The following SNRPD2 variants were observed in gnomAD, a reference collection of about 807,000 sequenced individuals.
The protein encoded by SNRPD2 is small nuclear ribonucleoprotein D2 polypeptide.
Under a neutral mutation model 11.5 loss-of-function variants are expected in SNRPD2, and 1 was observed. The ratio of observed to expected loss-of-function variants is 0.09; its 90% confidence interval spans 0.03 to 0.41. The LOEUF (loss-of-function observed/expected upper bound fraction) is 0.41, where lower values mean the gene tolerates loss of function less well. Among genes scored for constraint, SNRPD2 ranks in the 10% least tolerant of loss-of-function variants. The probability of loss-of-function intolerance (pLI) is 0.98; values close to 1 mark genes in which losing one functional copy is unlikely to be tolerated. For synonymous variants in SNRPD2, 63 were observed against 61.5 expected (o/e 1.02, Z -0.12); for missense variants, 77 against 154.9 (o/e 0.50, Z 2.67).
In SNRPD2 at chr19:45,688,598, G is replaced by A. The variant is rs1967466530; in HGVS notation, c.3-32C>T. The A allele has an allele frequency of 1.9e-6, 3 of 1,580,536 alleles. No individual in the cohort carries two copies. The highest frequency in any genetic ancestry group is 2.6e-6 in the Non-Finnish European group (3 of 1,149,744). On this transcript the variant is annotated intron_variant, in intron 1 of 2. Coordinates refer to ENST00000342669, the MANE Select transcript of SNRPD2 (RefSeq NM_001384647.1). The surrounding 1 kb of genome is among the most constrained non-coding windows in gnomAD (Gnocchi z 4.1). Reference sequence around the variant, plus strand: ...GGACAAACATGGAACCAATAAGTGAGAGAGGCTGGAGTTGAGAGGCTGGAG... The same window carrying A: ...GGACAAACATGGAACCAATAAGTGAAAGAGGCTGGAGTTGAGAGGCTGGAG...
In SNRPD2 at chr19:45,687,595, T is replaced by C. The variant is rs772089761; in HGVS notation, c.315A>G (p.Ser105=). The change falls in exon 3 of 3, where the codon TCA becomes TCG. Residue 105 remains serine (S), a synonymous_variant. Coordinates refer to ENST00000342669, the MANE Select transcript of SNRPD2 (RefSeq NM_001384647.1). The surrounding 1 kb of genome is among the most constrained non-coding windows in gnomAD (Gnocchi z 4.1). The part of the protein sequence containing the change: ...YISKMFLRGD[S]VIVVLRNPLI... ...GCGGGTTCCGCAGGACCACGATGAC[T>C]GAGTCCCCGCGCAGGAACATCTTGG... 4 of 1,614,214 alleles carry C rather than the reference T, an allele frequency of 2.5e-6. No homozygotes were observed. Among genetic ancestry groups the C allele is most frequent in the Non-Finnish European group, 3.4e-6 (4 of 1,180,018 alleles).
At position 45,691,931 on chromosome 19, in the gene SNRPD2, T is replaced by C; in HGVS notation, c.-43A>G. On this transcript the variant is annotated 5_prime_UTR_variant, in exon 1 of 3. Transcript: ENST00000342669. ...CCGTTCACTCCCGTTTCCTCCGCGT[T>C]GCTGCTGCCTGAGGAGAGAGAGGCG... is the stretch of plus-strand genomic sequence containing the variant. The C allele has an allele frequency of 6.2e-7, 1 of 1,614,118 alleles. No homozygotes were observed. Among genetic ancestry groups the C allele is most frequent in the East Asian group, 2.2e-5 (1 of 44,888 alleles).
At chr19:45,689,239 C>T (rs1292884554) in intron 1 of SNRPD2, 3 of 520,186 alleles carry the variant, frequency 5.8e-6, no homozygotes, top group Non-Finnish European at 1.2e-5. Context: ...TTACCATGGC[C>T]TAAGCCTCTG....
chr19:45,691,185 C>A (rs1967537786), intron 1 of SNRPD2, among the ~76,000 whole-genome samples: 2 of 152,166 alleles, frequency 1.3e-5, no homozygotes, highest in Admixed American at 1.3e-4. Context: ...GCTGGAAGTG[C>A]AGTGGCGCAA....
At position 45,691,897 on chromosome 19, in the gene SNRPD2, C is replaced by T. The variant is rs558008314; in HGVS notation, c.-9G>A. On this transcript the variant is annotated 5_prime_UTR_variant, in exon 1 of 3. The change creates a new upstream start codon in the 5' untranslated region. Coordinates refer to ENST00000342669, the MANE Select transcript of SNRPD2 (RefSeq NM_001384647.1). ...CTAGCCCGGCCTCACATGATGGTCA[C>T]TACGCTCTCCGTTCACTCCCGTTTC... 6.2e-7 allele frequency: 1 copy of T among 1,614,184 alleles called. No homozygotes were observed. Among genetic ancestry groups the T allele is most frequent in the South Asian group, 1.1e-5 (1 of 91,090 alleles).
In SNRPD2 at chr19:45,688,490, C is replaced by T. The variant is rs777452171; in HGVS notation, c.79G>A (p.Gly27Ser). Reference protein sequence around the residue: ...QKREEEEFNTGPLSVLTQSVK... With the variant: ...QKREEEEFNTSPLSVLTQSVK... ...GACTGTGTGAGCACAGAGAGTGGAC[C>T]GGTGTTAAATTCCTCCTCCTCTCGC... Residue 27 changes from glycine to serine, a missense_variant, in exon 2 of 3, where the codon GGT (glycine) becomes AGT (serine). Physicochemically the swap from Gly to Ser is moderately conservative, Grantham distance 56. Coordinates refer to ENST00000342669, the MANE Select transcript of SNRPD2 (RefSeq NM_001384647.1). The surrounding 1 kb of genome is among the most constrained non-coding windows in gnomAD (Gnocchi z 4.1). 7 of 1,613,876 alleles carry T rather than the reference C, an allele frequency of 4.3e-6. No homozygotes were observed. Among genetic ancestry groups the T allele is most frequent in the African/African-American group, 1.3e-5 (1 of 74,918 alleles).
At chr19:45,690,599 A>C (rs180688674) in intron 1 of SNRPD2, 1 of 152,146 alleles carries the variant, frequency 6.6e-6, no homozygotes, top group Non-Finnish European at 1.5e-5. Flanking sequence ...TGGAAGGTCG[A>C]GGCGGGTGGA....
rs1287138871 is a variant in SNRPD2, at chr19:45,691,921, T to C, written c.-33A>G. On this transcript the variant is annotated 5_prime_UTR_variant, in exon 1 of 3. Transcript: ENST00000342669. ...ACTACGCTCTCCGTTCACTCCCGTT[T>C]CCTCCGCGTTGCTGCTGCCTGAGGA... The C allele has an allele frequency of 2.5e-6, 4 of 1,614,132 alleles. No homozygotes were observed. The South Asian group carries it at 4.4e-5, about 18-fold the overall frequency.
intron 1 of SNRPD2, chr19:45,689,418 A>G (rs1044889664): frequency 4.0e-5 from 15 of 371,354 alleles, no homozygotes; most frequent in South Asian, 2.6e-4. Context: ...CTGTAATCCT[A>G]GCACTTTAGG....
rs1401212735 is a variant in SNRPD2 at position 45,691,908 on chromosome 19, G to C, written c.-20C>G. On this transcript the variant is annotated 5_prime_UTR_variant, in exon 1 of 3. Coordinates refer to ENST00000342669, the MANE Select transcript of SNRPD2 (RefSeq NM_001384647.1). The stretch of plus-strand genomic sequence containing the variant: ...TCACATGATGGTCACTACGCTCTCC[G>C]TTCACTCCCGTTTCCTCCGCGTTGC... 1 of 1,614,020 alleles carries C rather than the reference G, an allele frequency of 6.2e-7. No homozygotes were observed. Among genetic ancestry groups the C allele is most frequent in the African/African-American group, 1.3e-5 (1 of 75,026 alleles).
rs2146114535 is a variant in SNRPD2, at chr19:45,688,321, T to C, written c.182+66A>G. The C allele has an allele frequency of 7.0e-7, 1 of 1,421,012 alleles. No individual in the cohort carries two copies. Among genetic ancestry groups the C allele is most frequent in the East Asian group, 2.3e-5 (1 of 43,848 alleles). 88.0% of individuals were successfully genotyped at this position (1,421,012 alleles called of 1,614,324 possible). A position where few individuals can be genotyped will look rare whatever the true frequency, so the allele number is the denominator to read the frequency against. ...TTCTGAGACAGCTGTCTTTGAGCTC[T>C]TCAGACTGGAGCTGGAGTGGCCTCT... On this transcript the variant is annotated intron_variant, in intron 2 of 2. Transcript: ENST00000342669. This position sits in a 1 kb window ranked among gnomAD's most constrained non-coding sequence, Gnocchi z 4.1.
At chr19:45,691,816 T>A in intron 1 of SNRPD2, 71 bp downstream of exon 1, 3 of 1,548,856 alleles carry the variant, frequency 1.9e-6, no homozygotes, top group South Asian at 1.1e-5. Flanking sequence ...TGCTCAACCC[T>A]TCCCACACTC....
intron 1 of SNRPD2, chr19:45,691,678 T>G (rs1050801046): frequency 6.0e-6 from 4 of 670,382 alleles, no homozygotes; most frequent in African/African-American, 1.8e-5. Flanking sequence ...GCCCAGGGCG[T>G]TATCTGATAA....
chr19:45,687,613 C>T lies in SNRPD2; in HGVS notation c.297G>A (p.Met99Ile). 1.2e-6 allele frequency: 2 copies of T among 1,614,234 alleles called. No homozygotes were observed. Among genetic ancestry groups the T allele is most frequent in the Non-Finnish European group, 1.7e-6 (2 of 1,180,036 alleles). Residue 99 changes from methionine (M) to isoleucine (I), a missense_variant, in exon 3 of 3, where the codon ATG becomes ATA. Transcript: ENST00000342669. The surrounding 1 kb of genome is among the most constrained non-coding windows in gnomAD (Gnocchi z 4.1). ...PVNKDRYISK[M>I]FLRGDSVIVV... ...CGATGACTGAGTCCCCGCGCAGGAA[C>T]ATCTTGGAGATGTAGCGGTCTTTGT...
intron 1 of SNRPD2, among the ~76,000 whole-genome samples, chr19:45,689,940 G>C (rs1326783829): frequency 6.6e-6 from 1 of 152,094 alleles, no homozygotes; most frequent in Non-Finnish European, 1.5e-5. Flanking sequence ...GGGAGGCTGA[G>C]GCAGCAGAAA....
chr19:45,692,067 G>C, upstream of SNRPD2: 1 of 1,529,014 alleles, frequency 6.5e-7, no homozygotes, highest in Non-Finnish European at 8.8e-7. Context: ...CACAATGATG[G>C]AATAAAAGCT....
In SNRPD2 at chr19:45,688,294, G is replaced by T; in HGVS notation, c.182+93C>A. The T allele has an allele frequency of 8.7e-7, 1 of 1,145,448 alleles. No individual in the cohort carries two copies. Among genetic ancestry groups the T allele is most frequent in the Non-Finnish European group, 1.3e-6 (1 of 784,766 alleles). The allele number at this position is 1,145,448 out of a possible 1,614,324, so 71.0% of individuals were successfully genotyped here. ...CACCACGCCTGGCCATACACCCCAG[G>T]CTTCTGAGACAGCTGTCTTTGAGCT... On this transcript the variant is annotated intron_variant, in intron 2 of 2. Coordinates refer to ENST00000342669, the MANE Select transcript of SNRPD2 (RefSeq NM_001384647.1). The surrounding 1 kb of genome is among the most constrained non-coding windows in gnomAD (Gnocchi z 4.1).
chr19:45,690,329 C>CAAAA (rs71175207), intron 1 of SNRPD2, among the ~76,000 whole-genome samples: 19 of 74,522 alleles, frequency 2.5e-4, no homozygotes, highest in South Asian at 5.3e-4. Context: ...GACTCCGTCT[C>CAAAA]AAAAAAAAAA....
intron 1 of SNRPD2, chr19:45,690,692 CATGGTGGTGGGT>C (rs1967518445): frequency 6.6e-6 from 1 of 151,724 alleles, no homozygotes; most frequent in East Asian, 1.9e-4. Context: ...GTTAGCTGGG[CATGGTGGTGGGT>C]GCCTGTAATC....
Sources: gnomAD v4.1 joint callset for allele counts (sites outside exome capture counted in the v4.1 genomes callset) on GRCh38, gnomAD v4.1.1 for gene constraint, Gnocchi (gnomAD v3.1) non-coding constraint, MANE v1.5 for transcripts, NCBI Gene and HGNC (gene_info 2026-07-23, HGNC 2026-07-21) for gene names.